The following MYO16 variants were observed in gnomAD, a reference collection of about 807,000 sequenced individuals.
The protein encoded by MYO16 is unconventional myosin-XVI.
In MYO16, 94 loss-of-function variants were observed where a neutral mutation model predicts 205.3. That is an observed-to-expected ratio of 0.46 (90% confidence interval 0.39 to 0.54). The LOEUF is 0.54. Ranked by LOEUF, MYO16 falls within the 20% of genes least tolerant of loss-of-function variation. The pLI, the probability that MYO16 is intolerant of heterozygous loss-of-function variation, is 0.00. For missense variants in MYO16, 2,315 were observed against 2,387.5 expected (o/e 0.97, Z 0.63); for synonymous variants, 988 against 954.0 (o/e 1.04, Z -0.66).
At chr13:109,132,212 A>G (rs945241229) in intron 31 of MYO16, among the ~76,000 whole-genome samples, 1 of 152,210 alleles carries the variant, frequency 6.6e-6, no homozygotes, top group Non-Finnish European at 1.5e-5. Flanking sequence ...TGCAGAAGCA[A>G]GCTTTTCTCA....
the MYO16 span, among the ~76,000 whole-genome samples, chr13:108,557,071 C>T: frequency 6.6e-6 from 1 of 152,048 alleles, no homozygotes; most frequent in African/African-American, 2.4e-5. Flanking sequence ...AGTGTGATGC[C>T]TCCAGCTTTG....
chr13:108,593,345 G>C (rs185245234), upstream of MYO16, among the ~76,000 whole-genome samples: 256 of 152,230 alleles, frequency 1.7e-3, no homozygotes, highest in African/African-American at 5.2e-3. Context: ...CTGGAGTTGG[G>C]TCAATCCAAC....
At chr13:109,044,963 C>T (rs936898517) in intron 23 of MYO16, among the ~76,000 whole-genome samples, 3 of 152,314 alleles carry the variant, frequency 2.0e-5, no homozygotes, top group Admixed American at 2.0e-4. Flanking sequence ...GCTGGGATTA[C>T]AAGCGTGAGC....
intron 4 of MYO16, among the ~76,000 whole-genome samples, chr13:108,778,493 C>T (rs963548225): frequency 6.6e-6 from 1 of 152,202 alleles, no homozygotes; most frequent in South Asian, 2.1e-4. Flanking sequence ...GTGGTACACA[C>T]CTATAGTCCC....
chr13:108,784,728 G>T (rs1449406193), intron 4 of MYO16, among the ~76,000 whole-genome samples: 2 of 152,126 alleles, frequency 1.3e-5, no homozygotes, highest in African/African-American at 4.8e-5. Flanking sequence ...AAAAGGAACG[G>T]GGAAAACTTT....
Position 109,046,913 on chromosome 13 carries a change from T to C in MYO16, c.2797-3T>C, listed in dbSNP as rs2139593076. On this transcript the variant is annotated splice_polypyrimidine_tract_variant and splice_region_variant and intron_variant, in intron 23 of 34. Coordinates refer to ENST00000457511, the MANE Select transcript of MYO16 (RefSeq NM_001198950.3). ...GTAATTATGCTGCTTTCTTTTATTC[T>C]AGGTAATGTATGATGTTGTTGGGGC... The C allele has an allele frequency of 6.3e-7, 1 of 1,598,780 alleles. No individual in the cohort carries two copies. Among genetic ancestry groups the C allele is most frequent in the South Asian group, 1.1e-5 (1 of 90,662 alleles).
At chr13:108,543,608 C>G in the MYO16 span, among the ~76,000 whole-genome samples, 3 of 144,140 alleles carry the variant, frequency 2.1e-5, no homozygotes, top group East Asian at 2.0e-4. Flanking sequence ...TGCCACTGCA[C>G]TCCAGCCTGG....
intron 20 of MYO16, among the ~76,000 whole-genome samples, chr13:108,975,983 C>T (rs1884242538): frequency 6.6e-6 from 1 of 152,028 alleles, no homozygotes; most frequent in Non-Finnish European, 1.5e-5. Context: ...TTTTGTCAAC[C>T]CACATGCAAT....
intron 23 of MYO16, among the ~76,000 whole-genome samples, chr13:109,025,518 A>G: frequency 6.6e-6 from 1 of 152,180 alleles, no homozygotes. Flanking sequence ...CATGAATCTG[A>G]ATTAAAGAAG....
intron 27 of MYO16, among the ~76,000 whole-genome samples, chr13:109,096,734 G>C (rs61968406): frequency 0.78 from 118,591 of 151,508 alleles, 46,567 homozygotes; most frequent in Middle Eastern, 0.87. Flanking sequence ...GTACAAAGAT[G>C]TCCCCTTACT....
intron 20 of MYO16, among the ~76,000 whole-genome samples, chr13:108,983,003 G>GA (rs983000916): frequency 3.1e-4 from 47 of 149,926 alleles, no homozygotes; most frequent in Middle Eastern, 3.4e-3. Context: ...TTTTAATTAA[G>GA]AAAAAAAAAC....
chr13:108,533,853 A>G, the MYO16 span, among the ~76,000 whole-genome samples: 650 of 152,338 alleles, frequency 4.3e-3, 7 homozygotes, highest in East Asian at 0.038. Context: ...TCATCTGCAT[A>G]TATTCAATTG....
chr13:108,726,557 CAAAAAA>C (rs756271184), intron 3 of MYO16, among the ~76,000 whole-genome samples: 1 of 108,230 alleles, frequency 9.2e-6, no homozygotes, highest in African/African-American at 2.9e-5. Flanking sequence ...GACTCTGTTT[CAAAAAA>C]AAAAAAAAAG....
chr13:108,998,505 C>A lies in MYO16; in HGVS notation c.2442+6057C>A, dbSNP rs147928473. Among the ~76,000 whole-genome samples, 622 of 152,274 alleles carry A rather than the reference C, an allele frequency of 4.1e-3. 7 individuals carry two copies. Among genetic ancestry groups the A allele is most frequent in the African/African-American group, 0.014 (590 of 41,562 alleles). On this transcript the variant is annotated intron_variant, in intron 21 of 34. Transcript: ENST00000457511. The stretch of plus-strand genomic sequence containing the variant: ...ATATGTTCCCACTTCTGCACCAATT[C>A]TTCTCTTTTCCAGTCCTACATATTT...
intron 2 of MYO16, among the ~76,000 whole-genome samples, chr13:108,701,130 A>C (rs1883291765): frequency 1.3e-5 from 2 of 152,176 alleles, no homozygotes; most frequent in South Asian, 4.1e-4. Flanking sequence ...TAGACATTGC[A>C]GATTTAGTTA....
At chr13:109,057,594 C>T (rs947680144) in intron 27 of MYO16, among the ~76,000 whole-genome samples, 5 of 151,952 alleles carry the variant, frequency 3.3e-5, no homozygotes, top group Admixed American at 6.6e-5. Context: ...TCTGGTCCCT[C>T]GGTGGATATC....
intron 16 of MYO16, among the ~76,000 whole-genome samples, chr13:108,928,361 G>T (rs1380607078): frequency 6.6e-6 from 1 of 152,196 alleles, no homozygotes; most frequent in African/African-American, 2.4e-5. Flanking sequence ...ACATGATGTA[G>T]TCTATTAGCT....
intron 28 of MYO16, among the ~76,000 whole-genome samples, chr13:109,112,492 A>G (rs1279600351): frequency 6.6e-6 from 1 of 152,216 alleles, no homozygotes; most frequent in Non-Finnish European, 1.5e-5. Context: ...ATGGTGGCTC[A>G]TGCCTATAAT....
chr13:108,680,984 G>A (rs1882438002), intron 2 of MYO16, among the ~76,000 whole-genome samples: 1 of 152,154 alleles, frequency 6.6e-6, no homozygotes, highest in Admixed American at 6.5e-5. Flanking sequence ...TCCTTCTCAT[G>A]GTCTTGGTCT....
Sources: gnomAD v4.1 joint callset for allele counts (sites outside exome capture counted in the v4.1 genomes callset) on GRCh38, gnomAD v4.1.1 for gene constraint, MANE v1.5 for transcripts, NCBI Gene and HGNC (gene_info 2026-07-23, HGNC 2026-07-21) for gene names.